DISC1: variants seen among roughly 807,000 people sequenced by gnomAD.
The protein encoded by DISC1 is disrupted in schizophrenia 1 protein.
A neutral mutation model predicts 84.5 loss-of-function variants in DISC1; 57 were observed. That is an observed-to-expected ratio of 0.67 (90% CI 0.55 to 0.84). The LOEUF (loss-of-function observed/expected upper bound fraction) is 0.84. DISC1 is among the 40% of genes least tolerant of loss of function. The probability of loss-of-function intolerance (pLI) is 0.00; values close to 1 mark genes in which losing one functional copy is unlikely to be tolerated. For synonymous variants in DISC1, 411 were observed against 415.2 expected (o/e 0.99, Z 0.12); for missense variants, 1,000 against 1,057.8 (o/e 0.95, Z 0.76).
chr1:231,874,280 C>G (rs1377825231), intron 9 of DISC1, among the ~76,000 whole-genome samples: 1 of 147,640 alleles, frequency 6.8e-6, no homozygotes, highest in Admixed American at 6.7e-5. Context: ...GCCTCAGTCC[C>G]CCGAGTAGCT....
intron 1 of DISC1, among the ~76,000 whole-genome samples, chr1:231,671,390 C>A (rs141895806): frequency 6.6e-6 from 1 of 152,110 alleles, no homozygotes; most frequent in African/African-American, 2.4e-5. Flanking sequence ...GTGCCTCTTG[C>A]TGCTTCTGAG....
At chr1:232,007,555 G>A (rs1015185651) in intron 10 of DISC1, among the ~76,000 whole-genome samples, 1 of 152,182 alleles carries the variant, frequency 6.6e-6, no homozygotes, top group Non-Finnish European at 1.5e-5. Context: ...TTGGGATGGA[G>A]CATTTATCCA....
At chr1:231,726,746 G>A (rs1003455983) in intron 3 of DISC1, among the ~76,000 whole-genome samples, 5 of 152,214 alleles carry the variant, frequency 3.3e-5, no homozygotes, top group Admixed American at 1.3e-4. Flanking sequence ...CTGGTTCCAT[G>A]ACATGCTGCT....
At chr1:231,828,071 A>G (rs753472468) in intron 9 of DISC1, among the ~76,000 whole-genome samples, 6 of 152,210 alleles carry the variant, frequency 3.9e-5, no homozygotes, top group Non-Finnish European at 7.3e-5. Flanking sequence ...TTTATTTGCC[A>G]AAATGATGTT....
chr1:231,634,941 TC>T (rs907806878), intron 1 of DISC1, among the ~76,000 whole-genome samples: 1 of 151,058 alleles, frequency 6.6e-6, no homozygotes, highest in African/African-American at 2.4e-5. Context: ...ATGAAAAAAC[TC>T]CCCCAAAACC....
chr1:231,868,667 G>A (rs2085220604), intron 9 of DISC1, among the ~76,000 whole-genome samples: 1 of 144,216 alleles, frequency 6.9e-6, no homozygotes, highest in African/African-American at 2.5e-5. Flanking sequence ...AGACCAGGCT[G>A]GGCAACATAG....
intron 10 of DISC1, among the ~76,000 whole-genome samples, chr1:232,006,135 G>C (rs1428571514): frequency 1.3e-5 from 2 of 152,098 alleles, no homozygotes; most frequent in East Asian, 3.9e-4. Flanking sequence ...TCCCTTCCCT[G>C]CTCCACACAT....
chr1:231,991,242 T>C (rs16855916), intron 10 of DISC1, among the ~76,000 whole-genome samples: 4,144 of 152,364 alleles, frequency 0.027, 185 homozygotes, highest in African/African-American at 0.095. Context: ...TTGGCATTTA[T>C]TAGCGAGCCC....
At chr1:231,878,997 G>A (rs2086086249) in intron 9 of DISC1, among the ~76,000 whole-genome samples, 1 of 152,114 alleles carries the variant, frequency 6.6e-6, no homozygotes, top group African/African-American at 2.4e-5. Flanking sequence ...CAGTTTTGCT[G>A]TTGTGGACAT....
At chr1:231,995,004 C>A (rs554607524) in intron 10 of DISC1, among the ~76,000 whole-genome samples, 11 of 152,278 alleles carry the variant, frequency 7.2e-5, no homozygotes, top group African/African-American at 2.4e-4. Context: ...AATACTCTTT[C>A]TTATATTACA....
chr1:231,958,959 TA>T, intron 10 of DISC1, 71 bp downstream of exon 10: 1 of 1,516,950 alleles, frequency 6.6e-7, no homozygotes, highest in Non-Finnish European at 8.8e-7. Context: ...AGAATTTAGT[TA>T]AATCGATGAA....
Position 232,039,834 on chromosome 1 carries a change from T to C in DISC1, c.*3003T>C, listed in dbSNP as rs945966030. ...ATACTGGAAATGATGAGTTAGAATCTGATTTGACTGGGATGTTTTATGAGA... is the reference window on the plus strand; with the variant it reads ...ATACTGGAAATGATGAGTTAGAATCCGATTTGACTGGGATGTTTTATGAGA... On this transcript the variant is annotated 3_prime_UTR_variant, in exon 13 of 13. Coordinates refer to ENST00000439617, the MANE Select transcript of DISC1 (RefSeq NM_018662.3). 6.6e-6 allele frequency: 1 copy of C among 152,146 alleles called. No individual in the cohort carries two copies. The highest frequency in any genetic ancestry group is 2.4e-5 in the African/African-American group (1 of 41,448). 9.4% of individuals were successfully genotyped at this position (152,146 alleles called of 1,614,324 possible). A position where few individuals can be genotyped will look rare whatever the true frequency, so the allele number is the denominator to read the frequency against.
In DISC1 at chr1:232,023,333, T is replaced by A. The variant is rs548462374; in HGVS notation, c.2308-3102T>A. ...ATTCCCTTTATTGTTTGACAATTAT[T>A]TCCTCTTTCCTATACTTTTAATGCC... On this transcript the variant is annotated intron_variant, in intron 11 of 12. Transcript: ENST00000439617. Among the ~76,000 whole-genome samples, 4 of 152,338 alleles carry A rather than the reference T, an allele frequency of 2.6e-5. No homozygotes were observed. In the South Asian group the frequency reaches 8.3e-4, roughly 32 times the overall value.
intron 8 of DISC1, among the ~76,000 whole-genome samples, chr1:231,806,747 G>A (rs2079752230): frequency 6.6e-6 from 1 of 152,254 alleles, no homozygotes; most frequent in Admixed American, 6.5e-5. Flanking sequence ...TCAAAAAAGA[G>A]CAGCTCTTTA....
At chr1:232,008,630 A>T (rs968081787) in intron 10 of DISC1, among the ~76,000 whole-genome samples, 155 bp from the exon 11 acceptor site, 5 of 152,232 alleles carry the variant, frequency 3.3e-5, no homozygotes, top group African/African-American at 1.2e-4. Flanking sequence ...GGTCCCTCTG[A>T]TGAATCTTCT....
intron 9 of DISC1, among the ~76,000 whole-genome samples, chr1:231,911,094 A>C (rs1197697788): frequency 6.6e-6 from 1 of 152,148 alleles, no homozygotes; most frequent in African/African-American, 2.4e-5. Context: ...GGGTCTCCTG[A>C]ATATAGCACA....
At chr1:231,944,415 TA>T (rs2091502624) in intron 9 of DISC1, among the ~76,000 whole-genome samples, 1 of 152,202 alleles carries the variant, frequency 6.6e-6, no homozygotes, top group African/African-American at 2.4e-5. Context: ...TGCAGAGGCA[TA>T]AAAGCCTTGT....
chr1:231,825,927 A>G (rs2125795445), intron 9 of DISC1, among the ~76,000 whole-genome samples: 1 of 152,260 alleles, frequency 6.6e-6, no homozygotes, highest in East Asian at 1.9e-4. Flanking sequence ...TTCAGTATGT[A>G]TTTCTTGGGC....
rs574262568 is a variant in DISC1, at chr1:232,025,915, G to A, written c.2308-520G>A. ...AGCTCCCATGTATGGTGGTGGTAGC[G>A]GCGGCTCTATATGCAGTATACACCT... On this transcript the variant is annotated intron_variant, in intron 11 of 12. Coordinates refer to ENST00000439617, the MANE Select transcript of DISC1 (RefSeq NM_018662.3). Among the ~76,000 whole-genome samples the A allele has an allele frequency of 4.6e-5, 7 of 152,194 alleles. No homozygotes were observed. In the East Asian group the frequency reaches 1.2e-3, roughly 25 times the overall value.
Sources: allele counts gnomAD v4.1 joint callset (sites outside exome capture counted in the v4.1 genomes callset), GRCh38; gene constraint gnomAD v4.1.1; transcripts MANE v1.5; gene names NCBI Gene and HGNC (gene_info 2026-07-23, HGNC 2026-07-21).